ZCCHC7: variants seen among roughly 807,000 people sequenced by gnomAD.
ZCCHC7 encodes the protein zinc finger CCHC domain-containing protein 7.
A neutral mutation model predicts 52.0 loss-of-function variants in ZCCHC7; 35 were observed. That is an observed-to-expected ratio of 0.67 (90% confidence interval 0.51 to 0.89). The LOEUF (loss-of-function observed/expected upper bound fraction) is 0.89. Ranked by LOEUF, ZCCHC7 falls within the 40% of genes least tolerant of loss-of-function variation. The pLI is 0.00. For synonymous variants in ZCCHC7, 217 were observed against 221.5 expected (o/e 0.98, Z 0.18); for missense variants, 574 against 649.1 (o/e 0.88, Z 1.26).
chr9:37,146,100 T>C (rs1250397016), intron 2 of ZCCHC7, among the ~76,000 whole-genome samples: 2 of 151,956 alleles, frequency 1.3e-5, no homozygotes, highest in Non-Finnish European at 2.9e-5. Context: ...CTTCGAGAGT[T>C]GCTTCATTTA....
intron 2 of ZCCHC7, among the ~76,000 whole-genome samples, chr9:37,144,718 T>C (rs1843361864): frequency 6.6e-6 from 1 of 151,936 alleles, no homozygotes; most frequent in Non-Finnish European, 1.5e-5. Flanking sequence ...GGTGTTACTA[T>C]TTTATTGTTC....
intron 2 of ZCCHC7, among the ~76,000 whole-genome samples, chr9:37,288,609 A>G (rs188457580): frequency 6.6e-5 from 10 of 152,232 alleles, no homozygotes; most frequent in Non-Finnish European, 7.4e-5. Context: ...TTGCATCACC[A>G]TTCCATCCAA....
chr9:37,282,163 T>C (rs1036105179), intron 2 of ZCCHC7, among the ~76,000 whole-genome samples: 1 of 152,154 alleles, frequency 6.6e-6, no homozygotes, highest in Admixed American at 6.5e-5. Context: ...TATTAACTTG[T>C]TTAATAGTTT....
intron 5 of ZCCHC7, among the ~76,000 whole-genome samples, chr9:37,308,744 G>T (rs1356789495): frequency 1.3e-5 from 2 of 152,028 alleles, no homozygotes; most frequent in Admixed American, 1.3e-4. Context: ...ACTTTGGGAG[G>T]CCGAGGCAGG....
At chr9:37,154,687 G>A (rs983595810) in intron 2 of ZCCHC7, among the ~76,000 whole-genome samples, 3 of 151,800 alleles carry the variant, frequency 2.0e-5, no homozygotes, top group African/African-American at 7.3e-5. Context: ...TAGGGACGAG[G>A]TTTTGCCATG....
In ZCCHC7 at chr9:37,133,450, A is replaced by C. The variant is rs542255107; in HGVS notation, c.610+6508A>C. 2.7e-5 allele frequency among the ~76,000 whole-genome samples: 4 copies of C among 150,508 alleles called. 1 individual carries two copies. Among genetic ancestry groups the C allele is most frequent in the African/African-American group, 9.8e-5 (4 of 40,866 alleles). ...GATTGCAGTGGTGCAGTCTTGGCTC[A>C]CTGCAACCTCTGCCACCTGGGTTCA... On this transcript the variant is annotated intron_variant, in intron 2 of 8. Transcript: ENST00000336755.
chr9:37,139,137 T>G (rs2132758823), intron 2 of ZCCHC7, among the ~76,000 whole-genome samples: 1 of 152,146 alleles, frequency 6.6e-6, no homozygotes, highest in South Asian at 2.1e-4. Flanking sequence ...TGGTTAAGAC[T>G]TATTAATGAA....
intron 2 of ZCCHC7, among the ~76,000 whole-genome samples, chr9:37,271,311 G>C (rs1269726855): frequency 2.0e-5 from 3 of 152,104 alleles, no homozygotes; most frequent in Non-Finnish European, 4.4e-5. Context: ...AAACTCTACA[G>C]GATATCACTT....
chr9:37,120,423 G>A (rs1165277545), upstream of ZCCHC7: 9 of 393,578 alleles, frequency 2.3e-5, no homozygotes, highest in Non-Finnish European at 2.2e-5. Flanking sequence ...AGAACGGTTC[G>A]CACCCACTAC....
intron 2 of ZCCHC7, among the ~76,000 whole-genome samples, chr9:37,134,853 G>A (rs1039476933): frequency 6.6e-6 from 1 of 152,116 alleles, no homozygotes; most frequent in African/African-American, 2.4e-5. Flanking sequence ...AGCCTCCCGA[G>A]TAGCTAGGAT....
intron 2 of ZCCHC7, among the ~76,000 whole-genome samples, chr9:37,279,762 C>G (rs1038047509): frequency 1.3e-5 from 2 of 151,684 alleles, no homozygotes; most frequent in African/African-American, 4.8e-5. Flanking sequence ...ACAGAACACT[C>G]CAATTAAAAG....
intron 6 of ZCCHC7, among the ~76,000 whole-genome samples, chr9:37,328,317 T>G (rs937159755): frequency 6.6e-6 from 1 of 152,028 alleles, no homozygotes; most frequent in Admixed American, 6.6e-5. Context: ...TAAGCCCTTC[T>G]TGACTTATTC....
chr9:37,282,203 G>A (rs994632674), intron 2 of ZCCHC7, among the ~76,000 whole-genome samples: 2 of 152,168 alleles, frequency 1.3e-5, no homozygotes, highest in Non-Finnish European at 1.5e-5. Context: ...TAATTCTGGT[G>A]ATGGCTGCAA....
chr9:37,317,806 ACT>A (rs1313947754), intron 5 of ZCCHC7, among the ~76,000 whole-genome samples: 1 of 151,484 alleles, frequency 6.6e-6, no homozygotes, highest in Non-Finnish European at 1.5e-5. Flanking sequence ...TAGATTAAAC[ACT>A]CTTATAGATT....
chr9:37,354,880 G>C lies in ZCCHC7; in HGVS notation c.1198+56G>C, dbSNP rs1821603227. On this transcript the variant is annotated intron_variant, in intron 8 of 8. Transcript: ENST00000336755. The surrounding 1 kb of genome is among the most constrained non-coding windows in gnomAD (Gnocchi z 4.0). The stretch of plus-strand genomic sequence containing the variant: ...TTTGCAGTAGTTTCTAAATTTCTTT[G>C]TTTGTACTGTCTTTGCCTGCTTTGG... 3 of 1,199,868 alleles carry C rather than the reference G, an allele frequency of 2.5e-6. No individual in the cohort carries two copies. Among genetic ancestry groups the C allele is most frequent in the Non-Finnish European group, 3.6e-6 (3 of 831,134 alleles). 74.3% of individuals were successfully genotyped at this position (1,199,868 alleles called of 1,614,324 possible).
At chr9:37,166,192 C>T (rs62535709) in intron 2 of ZCCHC7, among the ~76,000 whole-genome samples, 5,916 of 151,966 alleles carry the variant, frequency 0.039, 186 homozygotes, top group Non-Finnish European at 0.058. Flanking sequence ...GTCAGGAGTT[C>T]GAGACCAGCC....
chr9:37,157,343 A>G (rs1334933327), intron 2 of ZCCHC7, among the ~76,000 whole-genome samples: 1 of 151,908 alleles, frequency 6.6e-6, no homozygotes, highest in Non-Finnish European at 1.5e-5. Flanking sequence ...AAAAAAGAAA[A>G]TTATCCAGGT....
chr9:37,138,957 G>A (rs951885445), intron 2 of ZCCHC7, among the ~76,000 whole-genome samples: 2 of 151,846 alleles, frequency 1.3e-5, no homozygotes, highest in African/African-American at 4.8e-5. Flanking sequence ...TGATTAGACA[G>A]TAAAACTTTT....
rs938978114 is a variant in ZCCHC7, at chr9:37,272,331, T to C, written c.611-29857T>C. Reference sequence around the variant, plus strand: ...CATTCACGTTAACTTTCTCTTACCCTGTAAAGTGTGTTGAATTTAATGTTT... The same window carrying C: ...CATTCACGTTAACTTTCTCTTACCCCGTAAAGTGTGTTGAATTTAATGTTT... On this transcript the variant is annotated intron_variant, in intron 2 of 8. Transcript: ENST00000336755. Among the ~76,000 whole-genome samples the C allele has an allele frequency of 8.5e-5, 13 of 152,204 alleles. No homozygotes were observed. In the South Asian group the frequency reaches 2.3e-3, roughly 27 times the overall value.
Sources: allele counts gnomAD v4.1 joint callset (sites outside exome capture counted in the v4.1 genomes callset), GRCh38; gene constraint gnomAD v4.1.1; non-coding constraint Gnocchi (gnomAD v3.1); transcripts MANE v1.5; gene names NCBI Gene and HGNC (gene_info 2026-07-23, HGNC 2026-07-21).